ROBO2: variants seen among roughly 807,000 people sequenced by gnomAD.
The protein encoded by ROBO2 is roundabout homolog 2.
A neutral mutation model predicts 160.8 loss-of-function variants in ROBO2; 53 were observed. That is an observed-to-expected ratio of 0.33 (90% CI 0.26 to 0.41). ROBO2 has a LOEUF of 0.41. ROBO2 is among the 10% of genes least tolerant of loss of function. The pLI is 1.00. For missense variants in ROBO2, 1,577 were observed against 1,722.4 expected, an observed-to-expected ratio of 0.92 and a Z score of 1.49; for synonymous variants, 664 against 611.7, an observed-to-expected ratio of 1.09 and a Z score of -1.26.
At chr3:76,388,198 A>G (rs915228111) in intron 2 of ROBO2, among the ~76,000 whole-genome samples, 3 of 152,140 alleles carry the variant, frequency 2.0e-5, no homozygotes, top group African/African-American at 7.2e-5. Context: ...TGAATGTGTA[A>G]AGGAAAATAC....
intron 2 of ROBO2, among the ~76,000 whole-genome samples, chr3:76,938,043 G>T (rs1159877432): frequency 6.6e-6 from 1 of 152,182 alleles, no homozygotes; most frequent in Non-Finnish European, 1.5e-5. Context: ...ATTACGGACG[G>T]GCCTCAGAGA....
At chr3:76,753,286 GTTTTAAAATA>G (rs2060782679) in intron 2 of ROBO2, among the ~76,000 whole-genome samples, 1 of 151,564 alleles carries the variant, frequency 6.6e-6, no homozygotes, top group South Asian at 2.1e-4. Context: ...CAAGAAAAAA[GTTTTAAAATA>G]TTTTAAATCA....
intron 2 of ROBO2, among the ~76,000 whole-genome samples, chr3:76,635,630 T>C (rs116561950): frequency 0.013 from 1,986 of 152,320 alleles, 35 homozygotes; most frequent in African/African-American, 0.045. Context: ...TATGTCAGCA[T>C]TTGTCTCACA....
intron 2 of ROBO2, among the ~76,000 whole-genome samples, chr3:76,226,454 T>C (rs1704292075): frequency 6.6e-6 from 1 of 152,102 alleles, no homozygotes; most frequent in Admixed American, 6.6e-5. Flanking sequence ...GTGGTCAGAA[T>C]TGTCACATAT....
In ROBO2 at chr3:76,273,066, T is replaced by A. The variant is rs540092624; in HGVS notation, c.109+335464T>A. Among the ~76,000 whole-genome samples, 106 of 106,764 alleles carry A rather than the reference T, an allele frequency of 9.9e-4. No homozygotes were observed. The East Asian group carries it at 0.021, about 21-fold the overall frequency. The allele number at this position is 106,764 out of a possible 152,430, so 70.0% of individuals were successfully genotyped here. On this transcript the variant is annotated intron_variant, in intron 2 of 26. Coordinates refer to the ROBO2 transcript ENST00000487694. ...ATATATTATATAAATATATAAAAAA[T>A]ATATATAAATATAATATATATAAAA...
At chr3:76,746,480 T>G (rs924468009) in intron 2 of ROBO2, among the ~76,000 whole-genome samples, 6 of 152,008 alleles carry the variant, frequency 3.9e-5, no homozygotes, top group African/African-American at 1.2e-4. Flanking sequence ...TTTCTCCACA[T>G]CCTCTCCAGC....
chr3:77,516,477 C>G (rs1354875158), intron 5 of ROBO2, among the ~76,000 whole-genome samples: 1 of 151,478 alleles, frequency 6.6e-6, no homozygotes, highest in African/African-American at 2.4e-5. Context: ...AAGCATGGAA[C>G]AAAACACAAA....
intron 2 of ROBO2, among the ~76,000 whole-genome samples, chr3:76,412,466 A>G (rs1390770034): frequency 6.6e-6 from 1 of 152,210 alleles, no homozygotes; most frequent in Non-Finnish European, 1.5e-5. Flanking sequence ...GGACAAGGCC[A>G]TTCCCTTCCT....
chr3:77,286,139 CCT>C (rs2060577412), intron 2 of ROBO2, among the ~76,000 whole-genome samples: 1 of 151,972 alleles, frequency 6.6e-6, no homozygotes, highest in Non-Finnish European at 1.5e-5. Flanking sequence ...GTAGACATTA[CCT>C]TATACTCTAT....
intron 2 of ROBO2, among the ~76,000 whole-genome samples, chr3:77,201,542 A>G (rs972666087): frequency 6.6e-6 from 1 of 152,340 alleles, no homozygotes. Flanking sequence ...ACATGATAAA[A>G]TATTTTAGAA....
chr3:77,007,187 A>C (rs2061624887), intron 2 of ROBO2, among the ~76,000 whole-genome samples: 1 of 152,124 alleles, frequency 6.6e-6, no homozygotes, highest in African/African-American at 2.4e-5. Context: ...ATACACATCA[A>C]CTCAAATCCT....
At chr3:77,537,100 G>T (rs1199217514) in intron 6 of ROBO2, among the ~76,000 whole-genome samples, 1 of 17,288 alleles carries the variant, frequency 5.8e-5, no homozygotes, top group Non-Finnish European at 1.2e-4. Context: ...CATATTTTGT[G>T]GGGGGGGGGT....
intron 2 of ROBO2, among the ~76,000 whole-genome samples, chr3:77,442,477 G>C (rs1004657870): frequency 3.3e-5 from 5 of 152,042 alleles, no homozygotes; most frequent in Non-Finnish European, 7.4e-5. Flanking sequence ...TTTTCTTCAT[G>C]GCAGAGCTGT....
At chr3:77,265,634 A>C (rs1466823103) in intron 2 of ROBO2, among the ~76,000 whole-genome samples, 2 of 152,164 alleles carry the variant, frequency 1.3e-5, no homozygotes, top group East Asian at 3.8e-4. Flanking sequence ...TACATAAGAC[A>C]TTCCTATTGA....
chr3:75,991,573 C>T (rs1031455800), intron 2 of ROBO2, among the ~76,000 whole-genome samples: 1 of 152,042 alleles, frequency 6.6e-6, no homozygotes, highest in Non-Finnish European at 1.5e-5. Flanking sequence ...TTTTTTTCTT[C>T]CCAGTCTCAG....
At chr3:77,485,988 G>C (rs1286207823) in intron 4 of ROBO2, among the ~76,000 whole-genome samples, 1 of 152,068 alleles carries the variant, frequency 6.6e-6, no homozygotes, top group Non-Finnish European at 1.5e-5. Flanking sequence ...GTGTTCATAT[G>C]TTACCATTGT....
At chr3:77,112,379 G>C (rs187539653) in intron 2 of ROBO2, among the ~76,000 whole-genome samples, 1 of 151,768 alleles carries the variant, frequency 6.6e-6, no homozygotes, top group East Asian at 2.0e-4. Flanking sequence ...GAGTAGCTGG[G>C]ATTACAGGCA....
intron 2 of ROBO2, among the ~76,000 whole-genome samples, chr3:76,039,237 T>C (rs982931012): frequency 3.0e-4 from 46 of 151,932 alleles, no homozygotes; most frequent in Non-Finnish European, 2.9e-5. Context: ...AGAGTAAGGA[T>C]AGAAGAGGGA....
At chr3:77,528,305 T>C (rs2091353525) in intron 6 of ROBO2, among the ~76,000 whole-genome samples, 2 of 151,634 alleles carry the variant, frequency 1.3e-5, no homozygotes, top group Non-Finnish European at 1.5e-5. Context: ...AAAGGTACTT[T>C]AATAACAACT....
Sources: allele counts gnomAD v4.1 joint callset (sites outside exome capture counted in the v4.1 genomes callset), GRCh38; gene constraint gnomAD v4.1.1; transcripts MANE v1.5; gene names NCBI Gene and HGNC (gene_info 2026-07-23, HGNC 2026-07-21).